The following COL6A2 variants were observed in gnomAD, a reference collection of about 807,000 sequenced individuals.
COL6A2 encodes collagen type VI alpha 2 chain.
Under a neutral mutation model 124.9 loss-of-function variants are expected in COL6A2, and 90 were observed. The observed-to-expected ratio is 0.72, with a 90% CI of 0.61 to 0.86. The LOEUF is 0.86. Among genes scored for constraint, COL6A2 ranks in the 40% least tolerant of loss-of-function variants. The pLI is 0.00. For missense variants in COL6A2, 1,607 were observed against 1,502.5 expected, an observed-to-expected ratio of 1.07 and a Z score of -1.15; for synonymous variants, 793 against 618.2, an observed-to-expected ratio of 1.28 and a Z score of -4.19.
At chr21:46,108,084 C>G (rs2078354366) in intron 1 of COL6A2, among the ~76,000 whole-genome samples, 1 of 150,966 alleles carries the variant, frequency 6.6e-6, no homozygotes, top group Admixed American at 6.6e-5. Flanking sequence ...TTCTCTCTTT[C>G]TCTCTGTCTA....
chr21:46,117,729 C>G (rs934787948), intron 11 of COL6A2, 145 bp from the exon 12 acceptor site: 1 of 869,958 alleles, frequency 1.1e-6, no homozygotes. Flanking sequence ...CAGATCCAGG[C>G]CTGGCCTCTT....
intron 19 of COL6A2, 102 bp downstream of exon 19, chr21:46,122,260 AG>A: frequency 7.3e-7 from 1 of 1,377,704 alleles, no homozygotes. Context: ...TCTGTGCAGA[AG>A]AAAGTGTGAG....
intron 1 of COL6A2, among the ~76,000 whole-genome samples, chr21:46,099,323 G>A: frequency 6.6e-6 from 1 of 152,090 alleles, no homozygotes; most frequent in East Asian, 1.9e-4. Context: ...GGGCGTGGTG[G>A]CAGGCACCTG....
intron 14 of COL6A2, among the ~76,000 whole-genome samples, chr21:46,119,575 C>T (rs879908775): frequency 3.9e-5 from 6 of 152,338 alleles, no homozygotes; most frequent in East Asian, 1.9e-4. Flanking sequence ...TCGGCATGGG[C>T]GGGACCGACG....
At chr21:46,102,706 A>ATTTT in intron 1 of COL6A2, among the ~76,000 whole-genome samples, 1 of 147,244 alleles carries the variant, frequency 6.8e-6, no homozygotes, top group South Asian at 2.1e-4. Flanking sequence ...ACATTGATTG[A>ATTTT]TTTTTTTTTT....
chr21:46,125,367 T>G, intron 24 of COL6A2, 56 bp downstream of exon 24: 1 of 1,602,076 alleles, frequency 6.2e-7, no homozygotes, highest in South Asian at 1.1e-5. Flanking sequence ...AGGGCGGGAG[T>G]GCAGCAGGGC....
chr21:46,116,875 G>A lies in COL6A2; in HGVS notation c.999+61G>A, dbSNP rs542220385. On this transcript the variant is annotated intron_variant, in intron 10 of 27. Coordinates refer to ENST00000300527, the MANE Select transcript of COL6A2 (RefSeq NM_001849.4). This position sits in a 1 kb window ranked among gnomAD's most constrained non-coding sequence, Gnocchi z 4.6. ...TCACAGAGGCATCCCAGCCTCTGCA[G>A]GGCCCCCAGATCCAGCCTGATCTGT... 959 of 1,574,984 alleles carry A rather than the reference G, an allele frequency of 6.1e-4. 4 individuals are homozygous for A. In the South Asian group the frequency reaches 7.8e-3, roughly 13 times the overall value.
chr21:46,117,966 G>A (rs1568930906), intron 12 of COL6A2, 30 bp downstream of exon 12: 2 of 1,601,936 alleles, frequency 1.2e-6, no homozygotes, highest in Admixed American at 3.4e-5. Context: ...TACGGGGCAG[G>A]CGGGGTCACC....
intron 27 of COL6A2, among the ~76,000 whole-genome samples, chr21:46,130,858 G>A (rs900705548): frequency 4.6e-5 from 7 of 152,202 alleles, no homozygotes; most frequent in Admixed American, 6.5e-5. Flanking sequence ...TCACTCATAA[G>A]CTCACTGAGG....
At chr21:46,129,443 G>A (rs1394595854) in intron 27 of COL6A2, 9 of 1,604,712 alleles carry the variant, frequency 5.6e-6, no homozygotes, top group African/African-American at 1.3e-5. Flanking sequence ...TTAAGCTGGT[G>A]CACAGGGACA....
intron 20 of COL6A2, 54 bp downstream of exon 20, chr21:46,122,585 C>A: frequency 6.3e-7 from 1 of 1,588,662 alleles, no homozygotes; most frequent in African/African-American, 1.3e-5. Context: ...TCTGCACGCC[C>A]AATTGCTGGG....
chr21:46,114,211 C>T (rs747908429), intron 5 of COL6A2, 138 bp downstream of exon 5: 73 of 722,886 alleles, frequency 1.0e-4, no homozygotes, highest in Middle Eastern at 2.9e-4. Context: ...CGGATCACAA[C>T]GTCAGGAGAT....
intron 1 of COL6A2, among the ~76,000 whole-genome samples, chr21:46,099,613 G>T (rs1202875394): frequency 1.3e-5 from 2 of 152,220 alleles, no homozygotes; most frequent in African/African-American, 2.4e-5. Context: ...CACAAGCAGG[G>T]GTCCTGGTGC....
chr21:46,122,887 G>A lies in COL6A2; in HGVS notation c.1621G>A (p.Asp541Asn), dbSNP rs138276378. The change falls in exon 21 of 28, where the codon GAC (aspartate) becomes AAC (asparagine). Residue 541 changes from aspartate to asparagine, a missense_variant. Physicochemically the swap from Asp to Asn is conservative, Grantham distance 23 (BLOSUM62 1). This residue lies in a region of COL6A2 where 1,223 missense variants were observed against 1,052.2 expected (regional missense o/e 1.16). Transcript: ENST00000300527. The stretch of plus-strand genomic sequence containing the variant: ...TTCCCTGTCACAGGGAGGCCGAGGC[G>A]ACTTTGGCTTGAAAGGAGAACCTGG... ...GPRGPEGGRG[D>N]FGLKGEPGRK... 6.6e-5 allele frequency: 106 copies of A among 1,613,244 alleles called. No individual in the cohort carries two copies. Among genetic ancestry groups the A allele is most frequent in the African/African-American group, 6.7e-5 (5 of 74,928 alleles).
rs944725924 is a variant in COL6A2 at position 46,117,618 on chromosome 21, T to G, written c.1053+165T>G. ...AGCATTCTGCCGGGTCGGAGTCATGTGAGGAACTCCCCCTGGGAGCTCCTG... is the reference window on the plus strand; with the variant it reads ...AGCATTCTGCCGGGTCGGAGTCATGGGAGGAACTCCCCCTGGGAGCTCCTG... On this transcript the variant is annotated intron_variant, in intron 11 of 27. Coordinates refer to ENST00000300527, the MANE Select transcript of COL6A2 (RefSeq NM_001849.4). 1.9e-5 allele frequency: 15 copies of G among 809,158 alleles called. No homozygotes were observed. The African/African-American group carries it at 2.5e-4, about 14-fold the overall frequency. 50.1% of individuals were successfully genotyped at this position (809,158 alleles called of 1,614,324 possible). A position where few individuals can be genotyped will look rare whatever the true frequency, so the allele number is the denominator to read the frequency against.
At position 46,098,182 on chromosome 21, in the gene COL6A2, C is replaced by T. The variant is rs1380039278; in HGVS notation, c.-28+9C>T. The T allele has an allele frequency of 1.3e-5, 2 of 152,144 alleles. No homozygotes were observed. The highest frequency in any genetic ancestry group is 2.9e-5 in the Non-Finnish European group (2 of 68,030). 9.4% of individuals were successfully genotyped at this position (152,144 alleles called of 1,614,324 possible). A position where few individuals can be genotyped will look rare whatever the true frequency, so the allele number is the denominator to read the frequency against. Reference sequence around the variant, plus strand: ...AGCCTCCTCGGGACCAGGTGAGCGCCTCCCGGACCCCGCACCCTGGAAGCC... The same window carrying T: ...AGCCTCCTCGGGACCAGGTGAGCGCTTCCCGGACCCCGCACCCTGGAAGCC... On this transcript the variant is annotated intron_variant, in intron 1 of 27. Coordinates refer to ENST00000300527, the MANE Select transcript of COL6A2 (RefSeq NM_001849.4).
Position 46,132,526 on chromosome 21 carries a change from G to T in COL6A2, c.3034G>T (p.Asp1012Tyr), listed in dbSNP as rs372431744. 6.2e-7 allele frequency: 1 copy of T among 1,605,604 alleles called. No individual in the cohort carries two copies. The highest frequency in any genetic ancestry group is 1.3e-5 in the African/African-American group (1 of 75,010). Reference protein sequence around the residue: ...YDSLAQPGFFDRFIRWIC With the variant: ...YDSLAQPGFFYRFIRWIC ...CAGCCTGGCGCAACCCGGCTTCTTC[G>T]ACCGCTTCATCCGCTGGATCTGCTA... The change falls in exon 28 of 28, where the codon GAC becomes TAC. Residue 1012 changes from aspartate (D) to tyrosine (Y), a missense_variant. By Grantham distance (160) the Asp-to-Tyr change is radical. Coordinates refer to ENST00000300527, the MANE Select transcript of COL6A2 (RefSeq NM_001849.4).
At chr21:46,131,367 G>C (rs544878238) in intron 27 of COL6A2, among the ~76,000 whole-genome samples, 4 of 152,210 alleles carry the variant, frequency 2.6e-5, no homozygotes, top group Non-Finnish European at 5.9e-5. Flanking sequence ...CAGAGTCATA[G>C]GGCAGAACCC....
At position 46,118,335 on chromosome 21, in the gene COL6A2, G is replaced by A. The variant is rs12483283; in HGVS notation, c.1117-279G>A. Among the ~76,000 whole-genome samples, 5,018 of 152,236 alleles carry A rather than the reference G, an allele frequency of 0.033. 99 individuals are homozygous for A. The highest frequency in any genetic ancestry group is 0.04 in the Non-Finnish European group (2,744 of 67,996). ...GCTTTTTTCTGGGAGCTTGGACTTA[G>A]GGCTTCCCACTTTCTGTCCACCTTC... is the stretch of plus-strand genomic sequence containing the variant. On this transcript the variant is annotated intron_variant, in intron 12 of 27. Transcript: ENST00000300527.
Sources: allele counts gnomAD v4.1 joint callset (sites outside exome capture counted in the v4.1 genomes callset), GRCh38; gene constraint gnomAD v4.1.1; regional missense constraint gnomAD v4.1.1; non-coding constraint Gnocchi (gnomAD v3.1); transcripts MANE v1.5; gene names NCBI Gene and HGNC (gene_info 2026-07-23, HGNC 2026-07-21).